CHRM5: variants seen among roughly 807,000 people sequenced by gnomAD.
CHRM5 encodes the protein muscarinic acetylcholine receptor M5.
Under a neutral mutation model 39.0 loss-of-function variants are expected in CHRM5, and 18 were observed. That is an observed-to-expected ratio of 0.46 (90% CI 0.32 to 0.68). The LOEUF is 0.68. Ranked by LOEUF, CHRM5 falls within the 30% of genes least tolerant of loss-of-function variation. CHRM5 has a pLI of 0.04. For missense variants in CHRM5, 515 were observed against 651.1 expected (o/e 0.79, Z 2.28); for synonymous variants, 241 against 246.3 (o/e 0.98, Z 0.20).
At chr15:33,969,819 G>A (rs1380451768) in intron 1 of CHRM5, among the ~76,000 whole-genome samples, 2 of 152,020 alleles carry the variant, frequency 1.3e-5, no homozygotes, top group African/African-American at 4.8e-5. Flanking sequence ...CAAAAGCTTT[G>A]ACTCAGGTCA....
intron 1 of CHRM5, among the ~76,000 whole-genome samples, chr15:34,021,305 G>A (rs1898190124): frequency 6.7e-6 from 1 of 149,828 alleles, no homozygotes. Flanking sequence ...TTTTTTTTGA[G>A]ACGGAGTTTC....
chr15:34,025,920 T>A (rs1036402048), intron 1 of CHRM5, among the ~76,000 whole-genome samples: 1 of 152,220 alleles, frequency 6.6e-6, no homozygotes, highest in Non-Finnish European at 1.5e-5. Context: ...CCAGAGATAA[T>A]CCTTACAGTT....
chr15:34,006,228 G>A (rs912962825), intron 1 of CHRM5, among the ~76,000 whole-genome samples: 4 of 151,798 alleles, frequency 2.6e-5, no homozygotes, highest in African/African-American at 9.7e-5. Context: ...GGAGAATGGC[G>A]TGAATCCAGG....
intron 1 of CHRM5, among the ~76,000 whole-genome samples, chr15:34,018,777 C>G (rs958058448): frequency 6.6e-6 from 1 of 152,184 alleles, no homozygotes; most frequent in African/African-American, 2.4e-5. Flanking sequence ...GCTAATTGGT[C>G]CATTTACAGA....
intron 1 of CHRM5, chr15:34,003,136 ATCTT>A (rs761383189): frequency 6.2e-7 from 1 of 1,613,860 alleles, no homozygotes. Flanking sequence ...GTTAGAGACA[ATCTT>A]TCTTTTAGAA....
intron 1 of CHRM5, among the ~76,000 whole-genome samples, chr15:33,996,928 C>T (rs903933505): frequency 6.6e-6 from 1 of 152,120 alleles, no homozygotes; most frequent in Non-Finnish European, 1.5e-5. Flanking sequence ...GGAGGCTGTT[C>T]GAACCCATCG....
At chr15:33,987,947 T>C (rs1896548599) in intron 1 of CHRM5, among the ~76,000 whole-genome samples, 1 of 152,200 alleles carries the variant, frequency 6.6e-6, no homozygotes. Flanking sequence ...TCTCTGTGAC[T>C]GTCTACACAA....
At chr15:33,976,653 T>C (rs914377559) in intron 1 of CHRM5, among the ~76,000 whole-genome samples, 20 of 152,126 alleles carry the variant, frequency 1.3e-4, no homozygotes, top group Admixed American at 5.9e-4. Context: ...GCAGGCATAA[T>C]GGTATATCTC....
intron 1 of CHRM5, among the ~76,000 whole-genome samples, chr15:33,978,838 G>T (rs1896008619): frequency 6.6e-6 from 1 of 152,064 alleles, no homozygotes; most frequent in African/African-American, 2.4e-5. Flanking sequence ...GAAGAAACCA[G>T]AGAATAATGT....
chr15:34,001,170 G>A (rs1359307021), intron 1 of CHRM5, among the ~76,000 whole-genome samples: 2 of 151,812 alleles, frequency 1.3e-5, no homozygotes, highest in African/African-American at 4.8e-5. Flanking sequence ...ACAGGTGCCC[G>A]CCACCACGCC....
intron 2 of CHRM5, among the ~76,000 whole-genome samples, chr15:34,060,294 C>T (rs553229764): frequency 6.6e-6 from 1 of 152,264 alleles, no homozygotes; most frequent in East Asian, 1.9e-4. Flanking sequence ...AGTTAGACTG[C>T]ATGTGTTTGG....
chr15:33,995,245 C>T (rs2140587815), intron 1 of CHRM5, among the ~76,000 whole-genome samples: 2 of 152,162 alleles, frequency 1.3e-5, no homozygotes, highest in South Asian at 4.2e-4. Flanking sequence ...GCCTGGGTGA[C>T]AGAGGAAAAC....
chr15:34,053,031 G>A (rs1899985522), intron 2 of CHRM5, among the ~76,000 whole-genome samples: 5 of 152,014 alleles, frequency 3.3e-5, no homozygotes, highest in South Asian at 4.2e-4. Flanking sequence ...CAGGTGCAGT[G>A]GCTCAAACCT....
intron 2 of CHRM5, among the ~76,000 whole-genome samples, chr15:34,053,485 A>T (rs908021044): frequency 6.6e-6 from 1 of 151,826 alleles, no homozygotes. Flanking sequence ...ATAGACACGT[A>T]GGCCAATGGA....
intron 1 of CHRM5, among the ~76,000 whole-genome samples, chr15:34,036,104 G>GT (rs34150464): frequency 0.15 from 22,243 of 148,968 alleles, 1,988 homozygotes; most frequent in Middle Eastern, 0.28. Context: ...CCAGTTTTGT[G>GT]TTTTTTTTTT....
intron 1 of CHRM5, among the ~76,000 whole-genome samples, chr15:34,017,473 AT>A (rs200988059): frequency 0.018 from 1,789 of 101,452 alleles, 33 homozygotes; most frequent in African/African-American, 0.037. Context: ...TTTCAGTATG[AT>A]TTTTTTTTTG....
chr15:34,049,658 C>T (rs181699758), intron 2 of CHRM5, among the ~76,000 whole-genome samples: 94 of 152,154 alleles, frequency 6.2e-4, no homozygotes, highest in East Asian at 3.7e-3. Context: ...GTCAGGCCAA[C>T]GTTCAAATTG....
At chr15:34,026,639 T>A (rs893821194) in intron 1 of CHRM5, among the ~76,000 whole-genome samples, 3 of 151,884 alleles carry the variant, frequency 2.0e-5, no homozygotes, top group Admixed American at 2.0e-4. Context: ...AGATAGACAA[T>A]CAGAACAAGG....
rs1464008781 is a variant in CHRM5 at position 34,053,292 on chromosome 15, T to C, written c.-76+6421T>C. Among the ~76,000 whole-genome samples, 12 of 72,662 alleles carry C rather than the reference T, an allele frequency of 1.7e-4. No homozygotes were observed. The South Asian group carries it at 4.5e-3, about 27-fold the overall frequency. The allele number at this position is 72,662 out of a possible 152,430, so 47.7% of individuals were successfully genotyped here. On this transcript the variant is annotated intron_variant, in intron 2 of 2. Coordinates refer to ENST00000383263, the MANE Select transcript of CHRM5 (RefSeq NM_012125.4). ...TCCAGCCTGGGTGACAGAGTGAGAC[T>C]CCATCTCAAAAAAAAAAAAAAAAAA...
Sources: allele counts gnomAD v4.1 joint callset (sites outside exome capture counted in the v4.1 genomes callset), GRCh38; gene constraint gnomAD v4.1.1; transcripts MANE v1.5; gene names NCBI Gene and HGNC (gene_info 2026-07-23, HGNC 2026-07-21).